GABRG3: variants seen among roughly 807,000 people sequenced by gnomAD.
The protein encoded by GABRG3 is gamma-aminobutyric acid receptor subunit gamma-3.
Under a neutral mutation model 48.8 loss-of-function variants are expected in GABRG3, and 25 were observed. That is an observed-to-expected ratio of 0.51 (90% CI 0.37 to 0.72). GABRG3 has a LOEUF of 0.72. Ranked by LOEUF, GABRG3 falls within the 30% of genes least tolerant of loss-of-function variation. GABRG3 has a pLI of 0.00. For synonymous variants in GABRG3, 227 were observed against 217.6 expected, an observed-to-expected ratio of 1.04 and a Z score of -0.38; for missense variants, 394 against 577.9, an observed-to-expected ratio of 0.68 and a Z score of 3.26.
intron 3 of GABRG3, among the ~76,000 whole-genome samples, chr15:27,316,280 T>A (rs532603168): frequency 6.9e-6 from 1 of 145,978 alleles, no homozygotes; most frequent in Admixed American, 7.1e-5. Flanking sequence ...CCCAGCTACT[T>A]GGGAGGCTGA....
intron 3 of GABRG3, among the ~76,000 whole-genome samples, chr15:27,193,585 C>T (rs1471463288): frequency 2.0e-5 from 3 of 152,268 alleles, no homozygotes; most frequent in Admixed American, 6.5e-5. Flanking sequence ...GTGCAGTATT[C>T]GGGTGGGAGT....
chr15:27,270,548 A>G (rs551471915), intron 3 of GABRG3, among the ~76,000 whole-genome samples: 287 of 152,306 alleles, frequency 1.9e-3, no homozygotes, highest in Non-Finnish European at 3.5e-3. Flanking sequence ...TTGATTTCAC[A>G]GAAGTTGAGA....
At chr15:27,321,551 T>A (rs1392995293) in intron 3 of GABRG3, among the ~76,000 whole-genome samples, 1 of 152,260 alleles carries the variant, frequency 6.6e-6, no homozygotes, top group Non-Finnish European at 1.5e-5. Context: ...TATACATTGT[T>A]AGATAAGAAA....
chr15:27,389,365 A>G (rs1896151645), intron 5 of GABRG3, among the ~76,000 whole-genome samples: 2 of 152,318 alleles, frequency 1.3e-5, no homozygotes, highest in Admixed American at 1.3e-4. Flanking sequence ...ACATAACTTA[A>G]TATCCAGTGC....
Position 27,283,752 on chromosome 15 carries a change from AG to A in GABRG3, c.271-43055del, listed in dbSNP as rs35683691. On this transcript the variant is annotated intron_variant, in intron 3 of 9. Coordinates refer to ENST00000615808, the MANE Select transcript of GABRG3 (RefSeq NM_033223.5). ...GCACTCTGAGGCATATGAGGCATAA[AG>A]GAAATTCAGGAGACTCACAGCCATG... 3.3e-3 allele frequency among the ~76,000 whole-genome samples: 505 copies of A among 152,312 alleles called. 5 individuals carry two copies. Among genetic ancestry groups the A allele is most frequent in the African/African-American group, 0.012 (480 of 41,574 alleles).
chr15:27,505,147 T>A (rs1484852179), intron 6 of GABRG3, among the ~76,000 whole-genome samples: 1 of 152,188 alleles, frequency 6.6e-6, no homozygotes, highest in Non-Finnish European at 1.5e-5. Flanking sequence ...TTGTTTTTTT[T>A]ATGACCTTGA....
chr15:27,134,681 T>G (rs530844353), intron 3 of GABRG3, among the ~76,000 whole-genome samples: 23 of 152,336 alleles, frequency 1.5e-4, no homozygotes, highest in African/African-American at 5.0e-4. Flanking sequence ...GTTTTGAAGG[T>G]GTCGCTAAAG....
intron 3 of GABRG3, among the ~76,000 whole-genome samples, chr15:27,161,843 T>C (rs1887202472): frequency 6.6e-6 from 1 of 152,172 alleles, no homozygotes. Flanking sequence ...AAGGTGATAC[T>C]GTAGTTAATA....
chr15:27,348,162 AT>A (rs201857605), intron 5 of GABRG3, among the ~76,000 whole-genome samples: 1 of 150,736 alleles, frequency 6.6e-6, no homozygotes, highest in Non-Finnish European at 1.5e-5. Context: ...TCTCAAATAA[AT>A]AAAGAGTTGG....
intron 3 of GABRG3, among the ~76,000 whole-genome samples, chr15:27,200,056 C>T (rs1298215104): frequency 4.0e-5 from 4 of 100,782 alleles, no homozygotes; most frequent in Admixed American, 1.0e-4. Flanking sequence ...TCTCTTCCTT[C>T]TTTCCTTCCT....
chr15:27,271,248 A>G (rs1387206569), intron 3 of GABRG3, among the ~76,000 whole-genome samples: 1 of 152,180 alleles, frequency 6.6e-6, no homozygotes, highest in Admixed American at 6.5e-5. Context: ...TGCACGCTGA[A>G]AGGGCTTGTC....
chr15:27,091,938 C>G (rs1444001404), intron 3 of GABRG3, among the ~76,000 whole-genome samples: 1 of 152,182 alleles, frequency 6.6e-6, no homozygotes, highest in Admixed American at 6.5e-5. Flanking sequence ...TTTCGGCATG[C>G]TGGTAAGGTT....
At chr15:26,978,719 A>G (rs1019087753) in intron 2 of GABRG3, among the ~76,000 whole-genome samples, 1 of 128,328 alleles carries the variant, frequency 7.8e-6, no homozygotes, top group African/African-American at 3.0e-5. Flanking sequence ...CACAATTTTT[A>G]TTACCATAGC....
intron 3 of GABRG3, among the ~76,000 whole-genome samples, chr15:27,268,274 A>T (rs11263714): frequency 0.59 from 89,778 of 151,682 alleles, 27,159 homozygotes; most frequent in Non-Finnish European, 0.65. Flanking sequence ...TTTGTGTTTT[A>T]TAAGGAATAT....
chr15:27,423,466 ATC>A (rs1566834228), intron 5 of GABRG3, among the ~76,000 whole-genome samples: 1 of 151,578 alleles, frequency 6.6e-6, no homozygotes, highest in East Asian at 1.9e-4. Context: ...CTATTATCAA[ATC>A]TGGACTCAAC....
At chr15:27,002,105 T>C (rs1259950252) in intron 2 of GABRG3, among the ~76,000 whole-genome samples, 2 of 152,174 alleles carry the variant, frequency 1.3e-5, no homozygotes, top group Non-Finnish European at 2.9e-5. Flanking sequence ...TCAACCTTCT[T>C]CCAACAACAA....
chr15:27,502,891 A>G (rs1890675332), intron 6 of GABRG3, among the ~76,000 whole-genome samples: 1 of 152,238 alleles, frequency 6.6e-6, no homozygotes, highest in Non-Finnish European at 1.5e-5. Context: ...CGCCACCTGC[A>G]TCCGCACATG....
At chr15:27,067,116 C>G (rs760485913) in intron 3 of GABRG3, among the ~76,000 whole-genome samples, 3 of 152,178 alleles carry the variant, frequency 2.0e-5, no homozygotes, top group Non-Finnish European at 4.4e-5. Flanking sequence ...TGCGGCTGCA[C>G]CTTTGCCGTG....
chr15:27,275,201 A>ATTTGAGACT (rs1891213915), intron 3 of GABRG3, among the ~76,000 whole-genome samples: 1 of 152,224 alleles, frequency 6.6e-6, no homozygotes, highest in African/African-American at 2.4e-5. Context: ...TCAAATGTTA[A>ATTTGAGACT]GTAGATTTGC....
Sources: allele counts gnomAD v4.1 joint callset (sites outside exome capture counted in the v4.1 genomes callset), GRCh38; gene constraint gnomAD v4.1.1; transcripts MANE v1.5; gene names NCBI Gene and HGNC (gene_info 2026-07-23, HGNC 2026-07-21).